The following INPP5F variants were observed in gnomAD, a reference collection of about 807,000 sequenced individuals.
The protein encoded by INPP5F is phosphatidylinositide 4-phosphatase SAC2.
INPP5F carries 97 observed loss-of-function variants against 137.2 expected under a neutral mutation model. The observed-to-expected ratio is 0.71, with a 90% CI of 0.60 to 0.84. The LOEUF is 0.84. Among genes scored for constraint, INPP5F ranks in the 40% least tolerant of loss-of-function variants. The pLI is 0.00. For synonymous variants in INPP5F, 504 were observed against 476.9 expected (o/e 1.06, Z -0.74); for missense variants, 1,271 against 1,371.9 (o/e 0.93, Z 1.16).
chr10:119,772,980 C>T (rs1564820880), intron 2 of INPP5F, among the ~76,000 whole-genome samples: 1 of 151,870 alleles, frequency 6.6e-6, no homozygotes, highest in African/African-American at 2.4e-5. Context: ...GAATTCATGA[C>T]CTCGTGATCC....
intron 9 of INPP5F, among the ~76,000 whole-genome samples, chr10:119,800,582 A>C (rs577461304): frequency 6.6e-6 from 1 of 151,648 alleles, no homozygotes; most frequent in East Asian, 1.9e-4. Context: ...AACCAAAAAA[A>C]CCTAAAAGTT....
intron 3 of INPP5F, among the ~76,000 whole-genome samples, chr10:119,786,638 A>G (rs1343921509): frequency 6.6e-6 from 1 of 151,682 alleles, no homozygotes; most frequent in Non-Finnish European, 1.5e-5. Flanking sequence ...CAGCCCCCCA[A>G]GTGGCTGGGA....
At position 119,827,146 on chromosome 10, in the gene INPP5F, C is replaced by G. The variant is rs993607720; in HGVS notation, c.2765C>G (p.Thr922Ser). 2 of 1,613,978 alleles carry G rather than the reference C, an allele frequency of 1.2e-6. No homozygotes were observed. The highest frequency in any genetic ancestry group is 1.3e-5 in the African/African-American group (1 of 74,918). ...AGCGTTCATGCTCCTTCAGAGATTA[C>G]TGTTGCTCATGGGAGTGGGCTTGGA... ...DSSVHAPSEI[T>S]VAHGSGLGKG... Residue 922 changes from threonine (T) to serine (S), a missense_variant, in exon 20 of 20, where the codon ACT becomes AGT. This residue lies in a region of INPP5F where 490 missense variants were observed against 443.7 expected (regional missense o/e 1.10). Coordinates refer to ENST00000650623, the MANE Select transcript of INPP5F (RefSeq NM_014937.4).
intron 2 of INPP5F, among the ~76,000 whole-genome samples, chr10:119,769,972 A>T (rs1849289717): frequency 6.6e-6 from 1 of 151,208 alleles, no homozygotes; most frequent in Non-Finnish European, 1.5e-5. Flanking sequence ...GCAGGAGAAA[A>T]ATTTTTTTTT....
At chr10:119,775,980 G>C (rs1849510658) in intron 2 of INPP5F, among the ~76,000 whole-genome samples, 1 of 152,124 alleles carries the variant, frequency 6.6e-6, no homozygotes, top group South Asian at 2.1e-4. Context: ...TAATTCTTAG[G>C]AATAGCATCA....
chr10:119,806,094 T>A (rs1393104040), intron 11 of INPP5F, among the ~76,000 whole-genome samples: 1 of 152,136 alleles, frequency 6.6e-6, no homozygotes, highest in Non-Finnish European at 1.5e-5. Context: ...TGATGTCAGC[T>A]CTGCCTAGTA....
At chr10:119,770,413 A>C (rs1849302502) in intron 2 of INPP5F, among the ~76,000 whole-genome samples, 1 of 152,220 alleles carries the variant, frequency 6.6e-6, no homozygotes, top group African/African-American at 2.4e-5. Context: ...TGTACTGTGA[A>C]ATTAGGCCTG....
intron 3 of INPP5F, among the ~76,000 whole-genome samples, chr10:119,789,385 C>T (rs1418858709): frequency 6.6e-6 from 1 of 152,084 alleles, no homozygotes; most frequent in Non-Finnish European, 1.5e-5. Context: ...AAATTGCTAG[C>T]CAGCAGTTGC....
Position 119,726,059 on chromosome 10 carries a change from C to T in INPP5F, c.-204C>T, listed in dbSNP as rs950643012. The T allele has an allele frequency of 1.4e-4, 51 of 366,596 alleles. No individual in the cohort carries two copies. Among genetic ancestry groups the T allele is most frequent in the African/African-American group, 3.2e-4 (15 of 46,408 alleles). 22.7% of individuals were successfully genotyped at this position (366,596 alleles called of 1,614,324 possible). A position where few individuals can be genotyped will look rare whatever the true frequency, so the allele number is the denominator to read the frequency against. ...GGGGAGGAGCGGGGGGGAGAGGCCT[C>T]TACGGCCGCCGCTGCCGCCGCCGCT... is the stretch of plus-strand genomic sequence containing the variant. On this transcript the variant is annotated 5_prime_UTR_variant, in exon 1 of 20. Coordinates refer to ENST00000650623, the MANE Select transcript of INPP5F (RefSeq NM_014937.4).
chr10:119,760,686 T>C (rs1340901305), intron 2 of INPP5F, among the ~76,000 whole-genome samples: 2 of 152,232 alleles, frequency 1.3e-5, no homozygotes, highest in Non-Finnish European at 2.9e-5. Context: ...GTAACAACCA[T>C]TGACAGCAAA....
chr10:119,814,870 T>C (rs1004892703), intron 15 of INPP5F, among the ~76,000 whole-genome samples: 6 of 152,206 alleles, frequency 3.9e-5, no homozygotes, highest in Non-Finnish European at 8.8e-5. Context: ...TCTTCTACTT[T>C]TTTTGTTTTT....
chr10:119,763,069 A>G (rs756191334), intron 2 of INPP5F, among the ~76,000 whole-genome samples: 2 of 152,344 alleles, frequency 1.3e-5, no homozygotes, highest in African/African-American at 2.4e-5. Context: ...AGAAAATACA[A>G]TGGTGGGACA....
chr10:119,753,952 C>G (rs979537982), intron 2 of INPP5F, among the ~76,000 whole-genome samples: 1 of 152,162 alleles, frequency 6.6e-6, no homozygotes, highest in Non-Finnish European at 1.5e-5. Flanking sequence ...GACAAACTGC[C>G]TCTCCCTCTA....
intron 19 of INPP5F, 97 bp downstream of exon 19, chr10:119,823,999 A>T (rs533812490): frequency 1.2e-6 from 1 of 832,008 alleles, no homozygotes; most frequent in African/African-American, 1.7e-5. Context: ...AGATCACATT[A>T]TGGTAAGGTG....
rs1387488652 is a variant in INPP5F at position 119,794,821 on chromosome 10, A to G, written c.670-1894A>G. Among the ~76,000 whole-genome samples, 83 of 66,678 alleles carry G rather than the reference A, an allele frequency of 1.2e-3. 3 individuals carry two copies. The highest frequency in any genetic ancestry group is 2.2e-3 in the Non-Finnish European group (65 of 29,514). 43.7% of individuals were successfully genotyped at this position (66,678 alleles called of 152,430 possible). On this transcript the variant is annotated intron_variant, in intron 6 of 19. Transcript: ENST00000650623. ...TGACCCCCCCACCTCCCTCCCTCCC[A>G]GAAGGGGCGGCTGGCCGGGCGGGGG...
intron 1 of INPP5F, among the ~76,000 whole-genome samples, chr10:119,741,490 C>T (rs1449073127): frequency 2.0e-5 from 3 of 152,124 alleles, no homozygotes; most frequent in Non-Finnish European, 4.4e-5. Flanking sequence ...GTTAAGCAGC[C>T]TGCTAGAGGC....
chr10:119,813,856 T>G (rs939720756), intron 15 of INPP5F, among the ~76,000 whole-genome samples: 4 of 152,114 alleles, frequency 2.6e-5, no homozygotes, highest in Non-Finnish European at 5.9e-5. Context: ...ATTGGGTGAT[T>G]AGAGTCTCAA....
In INPP5F at chr10:119,726,233, C is replaced by T; in HGVS notation, c.-30C>T. 7.1e-7 allele frequency: 1 copy of T among 1,399,142 alleles called. No homozygotes were observed. Among genetic ancestry groups the T allele is most frequent in the Non-Finnish European group, 9.4e-7 (1 of 1,065,840 alleles). The allele number at this position is 1,399,142 out of a possible 1,614,324, so 86.7% of individuals were successfully genotyped here. On this transcript the variant is annotated 5_prime_UTR_variant, in exon 1 of 20. Transcript: ENST00000650623. The stretch of plus-strand genomic sequence containing the variant: ...GGACGCCCCGTGCGCCGCCCGCGGG[C>T]CGCCGCCTCCCTGGGCGCGCGGGGC...
chr10:119,827,347 A>G lies in INPP5F; in HGVS notation c.2966A>G (p.Asn989Ser), dbSNP rs943287081. The G allele has an allele frequency of 1.9e-6, 3 of 1,614,110 alleles. No individual in the cohort carries two copies. Among genetic ancestry groups the G allele is most frequent in the Non-Finnish European group, 2.5e-6 (3 of 1,180,040 alleles). ...TCTCAGCAGGCTAGTCAGGAAAGAA[A>G]TCAAATGACCAATCAAGTTTCAAAT... ...SVSQQASQER[N>S]QMTNQVSNET... The change falls in exon 20 of 20, where the codon AAT (asparagine) becomes AGT (serine). Residue 989 changes from asparagine to serine, a missense_variant. Around this residue, in one of 6 missense-constraint regions of INPP5F, gnomAD observed 490 missense variants for 443.7 expected, o/e 1.10. Transcript: ENST00000650623.
Sources: allele counts gnomAD v4.1 joint callset (sites outside exome capture counted in the v4.1 genomes callset), GRCh38; gene constraint gnomAD v4.1.1; regional missense constraint gnomAD v4.1.1; transcripts MANE v1.5; gene names NCBI Gene and HGNC (gene_info 2026-07-23, HGNC 2026-07-21).